Variants in AMPH observed in about 807,000 individuals in gnomAD.
The protein encoded by AMPH is amphiphysin, also known as amphiphysin (Stiff-Mann syndrome with breast cancer 128kD autoantigen).
A neutral mutation model predicts 99.1 loss-of-function variants in AMPH; 49 were observed. That is an observed-to-expected ratio of 0.49 (90% confidence interval 0.39 to 0.63). The LOEUF (loss-of-function observed/expected upper bound fraction) is 0.63. Ranked by LOEUF, AMPH falls within the 20% of genes least tolerant of loss-of-function variation. The pLI is 0.00. For synonymous variants in AMPH, 314 were observed against 317.3 expected (o/e 0.99, Z 0.11); for missense variants, 759 against 863.4 (o/e 0.88, Z 1.52).
chr7:38,437,764 A>AGG (rs1786338134), intron 11 of AMPH, among the ~76,000 whole-genome samples: 1 of 151,978 alleles, frequency 6.6e-6, no homozygotes, highest in African/African-American at 2.4e-5. Context: ...AGATCATGCC[A>AGG]CTGCACTCCA....
chr7:38,385,745 A>G (rs1482209325), intron 20 of AMPH, among the ~76,000 whole-genome samples: 1 of 152,236 alleles, frequency 6.6e-6, no homozygotes, highest in African/African-American at 2.4e-5. Flanking sequence ...ATGGTCATGC[A>G]GAATGGGAGA....
chr7:38,571,514 T>C (rs1255778489), intron 1 of AMPH, among the ~76,000 whole-genome samples: 1 of 136,480 alleles, frequency 7.3e-6, no homozygotes, highest in South Asian at 2.1e-4. Flanking sequence ...CTATAAAATA[T>C]ATATTCTATA....
At chr7:38,437,930 T>G (rs1309305688) in intron 11 of AMPH, among the ~76,000 whole-genome samples, 1 of 152,232 alleles carries the variant, frequency 6.6e-6, no homozygotes, top group African/African-American at 2.4e-5. Flanking sequence ...CCTTGCATTT[T>G]CTATTCTGCA....
At chr7:38,568,078 C>T (rs1489485786) in intron 1 of AMPH, among the ~76,000 whole-genome samples, 1 of 152,188 alleles carries the variant, frequency 6.6e-6, no homozygotes. Flanking sequence ...TGTCTTCACG[C>T]TCCCCAAGCT....
intron 1 of AMPH, among the ~76,000 whole-genome samples, chr7:38,585,370 G>A (rs6942412): frequency 0.31 from 46,769 of 151,904 alleles, 7,861 homozygotes; most frequent in African/African-American, 0.45. Flanking sequence ...TAGGGAATAT[G>A]ACTTGGCCAC....
At chr7:38,491,394 A>G (rs146636801) in intron 4 of AMPH, among the ~76,000 whole-genome samples, 11 of 152,346 alleles carry the variant, frequency 7.2e-5, no homozygotes, top group African/African-American at 2.4e-4. Context: ...CTAAATTACT[A>G]AAGAATGCAG....
chr7:38,384,975 C>T lies in AMPH; in HGVS notation c.1981-50G>A, dbSNP rs745710428. 3.5e-6 allele frequency: 5 copies of T among 1,442,030 alleles called. No individual in the cohort carries two copies. The South Asian group carries it at 5.7e-5, about 17-fold the overall frequency. 89.3% of individuals were successfully genotyped at this position (1,442,030 alleles called of 1,614,324 possible). A position where few individuals can be genotyped will look rare whatever the true frequency, so the allele number is the denominator to read the frequency against. On this transcript the variant is annotated intron_variant, in intron 20 of 20. Transcript: ENST00000356264. ...AGGGTCCAGCAAACTACTGGAAAAT[C>T]CACACTGCCACAATTAATTAATAAT...
chr7:38,484,497 G>A (rs1788413864), intron 5 of AMPH, among the ~76,000 whole-genome samples: 1 of 152,026 alleles, frequency 6.6e-6, no homozygotes, highest in African/African-American at 2.4e-5. Flanking sequence ...AAGAATACTT[G>A]TTTCTTGCAT....
chr7:38,565,137 A>AAGAAAAG (rs1791691714), intron 1 of AMPH, among the ~76,000 whole-genome samples: 17 of 151,914 alleles, frequency 1.1e-4, no homozygotes, highest in Admixed American at 1.1e-3. Flanking sequence ...AAAAAAAAAA[A>AAGAAAAG]AAGAAAAGAA....
chr7:38,496,523 C>T (rs1343359767), intron 3 of AMPH, among the ~76,000 whole-genome samples: 1 of 152,136 alleles, frequency 6.6e-6, no homozygotes, highest in African/African-American at 2.4e-5. Context: ...ACTCTGGGGA[C>T]TCTGATGAAA....
At chr7:38,612,528 C>T (rs1793724238) in intron 1 of AMPH, among the ~76,000 whole-genome samples, 1 of 152,088 alleles carries the variant, frequency 6.6e-6, no homozygotes, top group South Asian at 2.1e-4. Context: ...TCTCAAAGGG[C>T]CTCAGAAACA....
chr7:38,395,131 A>G (rs1395035266), intron 17 of AMPH, among the ~76,000 whole-genome samples: 1 of 152,226 alleles, frequency 6.6e-6, no homozygotes, highest in Non-Finnish European at 1.5e-5. Context: ...AAGCATCCTC[A>G]TCACACAAAG....
At chr7:38,585,013 G>T (rs1231488894) in intron 1 of AMPH, among the ~76,000 whole-genome samples, 2 of 152,122 alleles carry the variant, frequency 1.3e-5, no homozygotes, top group African/African-American at 2.4e-5. Context: ...AACCAAGAAA[G>T]GTGGCAATTT....
chr7:38,543,532 C>T (rs1584227501), intron 1 of AMPH, among the ~76,000 whole-genome samples: 1 of 152,172 alleles, frequency 6.6e-6, no homozygotes, highest in South Asian at 2.1e-4. Flanking sequence ...TGGAAATTTA[C>T]AATATATCAA....
chr7:38,606,462 G>A (rs749400579), intron 1 of AMPH, among the ~76,000 whole-genome samples: 1 of 151,720 alleles, frequency 6.6e-6, no homozygotes, highest in Non-Finnish European at 1.5e-5. Flanking sequence ...TTTCATATAG[G>A]TGGAATATCT....
At chr7:38,587,671 T>C (rs1487974045) in intron 1 of AMPH, among the ~76,000 whole-genome samples, 3 of 152,152 alleles carry the variant, frequency 2.0e-5, no homozygotes, top group Non-Finnish European at 4.4e-5. Flanking sequence ...AACCTTCAAA[T>C]AGTACAAGAA....
chr7:38,502,874 G>C (rs993716269), intron 3 of AMPH, among the ~76,000 whole-genome samples: 1 of 152,222 alleles, frequency 6.6e-6, no homozygotes, highest in Non-Finnish European at 1.5e-5. Flanking sequence ...GGAGTAAAGC[G>C]TGAGGTTGAG....
chr7:38,610,026 C>T (rs935896518), intron 1 of AMPH, among the ~76,000 whole-genome samples: 2 of 151,242 alleles, frequency 1.3e-5, no homozygotes, highest in Admixed American at 6.6e-5. Context: ...CACCTGAGGT[C>T]GGGAGTTCGA....
intron 3 of AMPH, among the ~76,000 whole-genome samples, chr7:38,496,500 A>G (rs974229320): frequency 3.9e-5 from 6 of 152,148 alleles, no homozygotes; most frequent in African/African-American, 1.4e-4. Flanking sequence ...GGAAAAAAAC[A>G]GTATGACTCA....
Sources: allele counts gnomAD v4.1 joint callset (sites outside exome capture counted in the v4.1 genomes callset), GRCh38; gene constraint gnomAD v4.1.1; transcripts MANE v1.5; gene names NCBI Gene and HGNC (gene_info 2026-07-23, HGNC 2026-07-21).